JAKMIP2: variants seen among roughly 807,000 people sequenced by gnomAD.
JAKMIP2 encodes janus kinase and microtubule interacting protein 2.
Under a neutral mutation model 115.0 loss-of-function variants are expected in JAKMIP2, and 25 were observed. The observed-to-expected ratio is 0.22, with a 90% CI of 0.16 to 0.30. The LOEUF (loss-of-function observed/expected upper bound fraction) is 0.30, where lower values mean the gene tolerates loss of function less well. Among genes scored for constraint, JAKMIP2 ranks in the 10% least tolerant of loss-of-function variants. The pLI is 1.00. For missense variants in JAKMIP2, 642 were observed against 957.6 expected (o/e 0.67, Z 4.35); for synonymous variants, 334 against 343.6 (o/e 0.97, Z 0.31).
intron 3 of JAKMIP2, among the ~76,000 whole-genome samples, chr5:147,656,943 G>C (rs1446625209): frequency 6.6e-6 from 1 of 152,130 alleles, no homozygotes; most frequent in Non-Finnish European, 1.5e-5. Context: ...ATGAGGCTTA[G>C]TTTGGCTGGA....
At chr5:147,649,854 T>C (rs758244017) in intron 4 of JAKMIP2, among the ~76,000 whole-genome samples, 15 of 152,248 alleles carry the variant, frequency 9.9e-5, no homozygotes, top group Admixed American at 6.5e-4. Context: ...TATAAAATGA[T>C]GAAAATTCAT....
chr5:147,780,192 A>G (rs879390430), intron 1 of JAKMIP2, among the ~76,000 whole-genome samples: 15 of 152,180 alleles, frequency 9.9e-5, no homozygotes, highest in African/African-American at 2.9e-4. Context: ...AGCAAAGGCC[A>G]TATAATTGTC....
chr5:147,780,761 G>A (rs915999771), intron 1 of JAKMIP2, among the ~76,000 whole-genome samples: 3 of 152,124 alleles, frequency 2.0e-5, no homozygotes, highest in Admixed American at 6.5e-5. Flanking sequence ...TCAAATACAT[G>A]TGAAAATTAT....
chr5:147,670,443 A>G (rs924775595), intron 2 of JAKMIP2, among the ~76,000 whole-genome samples: 2 of 152,210 alleles, frequency 1.3e-5, no homozygotes, highest in Admixed American at 6.5e-5. Flanking sequence ...GAGCGAAAAC[A>G]TCTTATGAAT....
intron 16 of JAKMIP2, among the ~76,000 whole-genome samples, chr5:147,625,089 C>T (rs1757035690): frequency 1.3e-5 from 2 of 152,124 alleles, no homozygotes; most frequent in South Asian, 4.1e-4. Context: ...AAGCGATTCT[C>T]CAGCCTCAGC....
chr5:147,755,186 T>C (rs1754699869), intron 1 of JAKMIP2, among the ~76,000 whole-genome samples: 1 of 152,108 alleles, frequency 6.6e-6, no homozygotes, highest in Non-Finnish European at 1.5e-5. Flanking sequence ...TACTAGGAGG[T>C]TATTGAAACA....
chr5:147,721,240 T>C (rs1208618752), intron 1 of JAKMIP2, among the ~76,000 whole-genome samples: 4 of 151,758 alleles, frequency 2.6e-5, no homozygotes, highest in Non-Finnish European at 4.4e-5. Context: ...GGAGAACCAC[T>C]GCTCTCTTCA....
At chr5:147,691,831 C>A (rs539408358) in intron 1 of JAKMIP2, among the ~76,000 whole-genome samples, 1 of 152,122 alleles carries the variant, frequency 6.6e-6, no homozygotes, top group Non-Finnish European at 1.5e-5. Flanking sequence ...TAAGCAGCGC[C>A]GTGGGTGACT....
rs1463971071 is a variant in JAKMIP2, at chr5:147,585,482, AC to A, written c.*6224del. 2.0e-5 allele frequency: 3 copies of A among 152,250 alleles called. No individual in the cohort carries two copies. In the East Asian group the frequency reaches 5.8e-4, roughly 29 times the overall value. 9.4% of individuals were successfully genotyped at this position (152,250 alleles called of 1,614,324 possible). A position where few individuals can be genotyped will look rare whatever the true frequency, so the allele number is the denominator to read the frequency against. On this transcript the variant is annotated 3_prime_UTR_variant, in exon 22 of 22. Coordinates refer to ENST00000616793, the MANE Select transcript of JAKMIP2 (RefSeq NM_001270941.2). ...GTTTTATTTTTATATAAACTAAAAC[AC>A]CAGAGTTCATCGATTCCTATATTAA...
intron 1 of JAKMIP2, among the ~76,000 whole-genome samples, chr5:147,679,497 A>G (rs1337809584): frequency 6.6e-6 from 1 of 152,222 alleles, no homozygotes; most frequent in East Asian, 1.9e-4. Context: ...TCTAGAAAGC[A>G]GGGAATAGTA....
At chr5:147,638,245 A>G (rs1757715721) in intron 10 of JAKMIP2, among the ~76,000 whole-genome samples, 2 of 152,080 alleles carry the variant, frequency 1.3e-5, no homozygotes, top group Admixed American at 1.3e-4. Context: ...TTTTCTAAGA[A>G]TGGTAAGTTT....
intron 1 of JAKMIP2, among the ~76,000 whole-genome samples, chr5:147,734,395 C>A (rs958277733): frequency 4.6e-5 from 7 of 150,892 alleles, no homozygotes; most frequent in Non-Finnish European, 8.8e-5. Context: ...AGCAAACTAA[C>A]ACAGGAACAG....
At chr5:147,748,532 G>A (rs1251928548) in intron 1 of JAKMIP2, among the ~76,000 whole-genome samples, 2 of 152,214 alleles carry the variant, frequency 1.3e-5, no homozygotes, top group Non-Finnish European at 2.9e-5. Context: ...TGCAGACATA[G>A]ATAAGCAAGC....
At chr5:147,735,534 C>T (rs1393328357) in intron 1 of JAKMIP2, among the ~76,000 whole-genome samples, 1 of 152,130 alleles carries the variant, frequency 6.6e-6, no homozygotes, top group Non-Finnish European at 1.5e-5. Context: ...TATTCACTAT[C>T]ATGAGAACAC....
intron 4 of JAKMIP2, among the ~76,000 whole-genome samples, chr5:147,649,731 CTAA>C (rs1758303907): frequency 6.6e-6 from 1 of 151,856 alleles, no homozygotes; most frequent in Admixed American, 6.6e-5. Flanking sequence ...ATCTCTGTTC[CTAA>C]ATAATACATT....
chr5:147,598,935 T>G (rs1001569001), intron 21 of JAKMIP2, among the ~76,000 whole-genome samples: 2 of 152,196 alleles, frequency 1.3e-5, no homozygotes, highest in African/African-American at 4.8e-5. Flanking sequence ...TTGCCAACTT[T>G]GGAGACATAA....
intron 1 of JAKMIP2, among the ~76,000 whole-genome samples, chr5:147,715,695 G>C (rs1021477959): frequency 2.6e-5 from 4 of 151,722 alleles, no homozygotes; most frequent in Admixed American, 2.0e-4. Flanking sequence ...AAGGGAAATA[G>C]ACAAGACCAT....
In JAKMIP2 at chr5:147,661,248, T is replaced by C; in HGVS notation, c.327A>G (p.Gly109=). 6.2e-7 allele frequency: 1 copy of C among 1,613,948 alleles called. No homozygotes were observed. The highest frequency in any genetic ancestry group is 8.5e-7 in the Non-Finnish European group (1 of 1,179,992). The stretch of plus-strand genomic sequence containing the variant: ...GAGCAGACTTGAGCCTCTGGATCTC[T>C]CCATCACGTACCTTCACCGTCCTTG... ...EMSRTVKVRD[G]EIQRLKSALC... is the part of the protein sequence containing the mutation. The change falls in exon 3 of 22, where the codon GGA becomes GGG. Residue 109 remains glycine, a synonymous_variant. Transcript: ENST00000616793.
chr5:147,717,451 C>T (rs1233789880), intron 1 of JAKMIP2, among the ~76,000 whole-genome samples: 4 of 134,846 alleles, frequency 3.0e-5, no homozygotes, highest in Admixed American at 7.6e-5. Context: ...TGGCCATTTT[C>T]ACGATATTGA....
Sources: gnomAD v4.1 joint callset for allele counts (sites outside exome capture counted in the v4.1 genomes callset) on GRCh38, gnomAD v4.1.1 for gene constraint, MANE v1.5 for transcripts, NCBI Gene and HGNC (gene_info 2026-07-23, HGNC 2026-07-21) for gene names.